DPF1: variants seen among roughly 807,000 people sequenced by gnomAD.
DPF1 encodes the protein zinc finger protein neuro-d4.
DPF1 carries 14 observed loss-of-function variants against 58.7 expected under a neutral mutation model. That is an observed-to-expected ratio of 0.24 (90% CI 0.16 to 0.37). The LOEUF (loss-of-function observed/expected upper bound fraction) is 0.37, where lower values mean the gene tolerates loss of function less well. DPF1 is among the 10% of genes least tolerant of loss of function. The probability of loss-of-function intolerance (pLI) is 1.00; values close to 1 mark genes in which losing one functional copy is unlikely to be tolerated. For synonymous variants in DPF1, 216 were observed against 216.0 expected (o/e 1.00, Z 0.00); for missense variants, 345 against 529.9 (o/e 0.65, Z 3.43).
rs377737084 is a variant in DPF1 at position 38,219,012 on chromosome 19, C to G, written c.345G>C (p.Pro115=). The change falls in exon 4 of 12, where the codon CCG becomes CCC. Residue 115 remains proline (P), a synonymous_variant. Transcript: ENST00000355526. ...CTGCACACAGTAGAGCCTCGAGGACCGGCCCTTCCGGGAGGCCACCCTCCT... is the reference window on the plus strand; with the variant it reads ...CTGCACACAGTAGAGCCTCGAGGACGGGCCCTTCCGGGAGGCCACCCTCCT... ...LKKEGGLPEG[P]VLEALLCAET... The G allele has an allele frequency of 6.2e-7, 1 of 1,614,058 alleles. No individual in the cohort carries two copies. The highest frequency in any genetic ancestry group is 8.5e-7 in the Non-Finnish European group (1 of 1,180,042).
At chr19:38,216,331 G>A (rs975361586) in intron 8 of DPF1, 22 bp downstream of exon 8, 5 of 1,605,156 alleles carry the variant, frequency 3.1e-6, no homozygotes, top group Non-Finnish European at 4.3e-6. Flanking sequence ...CAGACTTTAG[G>A]AGCAGAAGGA....
chr19:38,217,378 C>CA, intron 7 of DPF1, 82 bp downstream of exon 7: 3 of 355,616 alleles, frequency 8.4e-6, no homozygotes, highest in Non-Finnish European at 1.6e-5. Context: ...ATGTCTAATG[C>CA]CCCCCCACCC....
chr19:38,224,119 G>T lies in DPF1; in HGVS notation c.24C>A (p.Pro8=). 1 of 1,499,074 alleles carries T rather than the reference G, an allele frequency of 6.7e-7. No homozygotes were observed. 92.9% of individuals were successfully genotyped at this position (1,499,074 alleles called of 1,614,324 possible). Residue 8 remains proline (P), a synonymous_variant, in exon 1 of 12, where the codon CCC becomes CCA. Transcript: ENST00000355526. This position sits in a 1 kb window ranked among gnomAD's most constrained non-coding sequence, Gnocchi z 4.5. MATVIPG[P]LSLGEDFYRE... ...CTCCCGCCGGCCCGCACCACCTCAGGGGGCCAGGGATGACAGTGGCCATCT... is the reference window on the plus strand; with the variant it reads ...CTCCCGCCGGCCCGCACCACCTCAGTGGGCCAGGGATGACAGTGGCCATCT...
Position 38,212,001 on chromosome 19 carries a change from T to C in DPF1, c.*62A>G. 6.4e-7 allele frequency: 1 copy of C among 1,563,856 alleles called. No homozygotes were observed. Among genetic ancestry groups the C allele is most frequent in the Non-Finnish European group, 8.7e-7 (1 of 1,148,734 alleles). Reference sequence around the variant, plus strand: ...CGGGATGTTCAGGGTGGGGGAGAATTGAGGAGCTCGGAGAGGCAGGTAGGC... The same window carrying C: ...CGGGATGTTCAGGGTGGGGGAGAATCGAGGAGCTCGGAGAGGCAGGTAGGC... On this transcript the variant is annotated 3_prime_UTR_variant, in exon 12 of 12. Transcript: ENST00000355526.
intron 6 of DPF1, 30 bp downstream of exon 6, chr19:38,217,768 C>A: frequency 6.2e-7 from 1 of 1,613,566 alleles, no homozygotes. Flanking sequence ...ACCCCTCTCT[C>A]TGCCTTTCCC....
Position 38,211,164 on chromosome 19 carries a change from T to A in DPF1, c.*899A>T, listed in dbSNP as rs1250429446. 1 of 152,368 alleles carries A rather than the reference T, an allele frequency of 6.6e-6. No homozygotes were observed. Among genetic ancestry groups the A allele is most frequent in the Non-Finnish European group, 1.5e-5 (1 of 68,146 alleles). The allele number at this position is 152,368 out of a possible 1,614,324, so 9.4% of individuals were successfully genotyped here. A position where few individuals can be genotyped will look rare whatever the true frequency, so the allele number is the denominator to read the frequency against. ...ACCTCCCCCACCTGCAGTCTCAGTTTCCCTTTTTTAAAACCCGAACAACAA... is the reference window on the plus strand; with the variant it reads ...ACCTCCCCCACCTGCAGTCTCAGTTACCCTTTTTTAAAACCCGAACAACAA... On this transcript the variant is annotated 3_prime_UTR_variant, in exon 12 of 12. Coordinates refer to ENST00000355526, the MANE Select transcript of DPF1 (RefSeq NM_001135155.3). The surrounding 1 kb of genome is among the most constrained non-coding windows in gnomAD (Gnocchi z 4.0).
upstream of DPF1, among the ~76,000 whole-genome samples, chr19:38,225,379 C>T (rs1336091631): frequency 1.3e-5 from 2 of 152,070 alleles, no homozygotes; most frequent in Non-Finnish European, 2.9e-5. Flanking sequence ...CCAACCTGGG[C>T]AACATATCCA....
upstream of DPF1, among the ~76,000 whole-genome samples, chr19:38,228,497 T>C (rs1967920636): frequency 6.9e-6 from 1 of 144,588 alleles, no homozygotes; most frequent in Admixed American, 6.8e-5. Context: ...GGCCCCTTTG[T>C]GCGACGCCGC....
intron 4 of DPF1, 85 bp downstream of exon 4, chr19:38,218,846 A>G: frequency 6.3e-7 from 1 of 1,582,822 alleles, no homozygotes; most frequent in Non-Finnish European, 8.6e-7. Flanking sequence ...GGGGGGTTTC[A>G]GAGCAGGAAC....
At chr19:38,217,672 TCCCC>T (rs1967131640) in intron 6 of DPF1, 81 bp from the exon 7 acceptor site, 1 of 1,536,696 alleles carries the variant, frequency 6.5e-7, no homozygotes. Flanking sequence ...GGATCACACC[TCCCC>T]CCTCAGCCAG....
chr19:38,227,379 A>G (rs1409378352), upstream of DPF1, among the ~76,000 whole-genome samples: 1 of 147,304 alleles, frequency 6.8e-6, no homozygotes, highest in African/African-American at 2.5e-5. Flanking sequence ...TGCCCGGCCC[A>G]CCAGCAGGAT....
Position 38,213,762 on chromosome 19 carries a change from G to A in DPF1, c.899-6C>T, listed in dbSNP as rs1420883717. 2 of 1,612,620 alleles carry A rather than the reference G, an allele frequency of 1.2e-6. No homozygotes were observed. The highest frequency in any genetic ancestry group is 1.7e-6 in the Non-Finnish European group (2 of 1,178,962). ...TTGTAAACACGAGGGGTGTCCTGGG[G>A]GCCAAGGGGCAGGGGTGCAGTTAGG... On this transcript the variant is annotated splice_region_variant and splice_polypyrimidine_tract_variant and intron_variant, in intron 9 of 11. Coordinates refer to ENST00000355526, the MANE Select transcript of DPF1 (RefSeq NM_001135155.3).
At position 38,215,441 on chromosome 19, in the gene DPF1, C is replaced by T. The variant is rs149292112; in HGVS notation, c.898+699G>A. On this transcript the variant is annotated intron_variant, in intron 9 of 11. Transcript: ENST00000355526. ...CCAGGAGGCGGAGGTTGCAGTGAGC[C>T]AAGATCATGCCAATGCACTCCAGCC... 4.2e-3 allele frequency among the ~76,000 whole-genome samples: 645 copies of T among 152,082 alleles called. 4 individuals are homozygous for T. The highest frequency in any genetic ancestry group is 9.6e-3 in the South Asian group (46 of 4,804).
chr19:38,226,593 C>T (rs1159058321), upstream of DPF1, among the ~76,000 whole-genome samples: 1 of 151,548 alleles, frequency 6.6e-6, no homozygotes, highest in Non-Finnish European at 1.5e-5. Flanking sequence ...CAGGTAAGGT[C>T]TTGGCCGGCC....
chr19:38,227,423 G>A (rs903808398), upstream of DPF1, among the ~76,000 whole-genome samples: 6 of 151,528 alleles, frequency 4.0e-5, no homozygotes, highest in African/African-American at 9.7e-5. Context: ...CACTTGCAGC[G>A]GGCTCTCCTT....
Position 38,222,579 on chromosome 19 carries a change from G to A in DPF1, c.159C>T (p.Tyr53=). Residue 53 remains tyrosine (Y), a synonymous_variant, in exon 2 of 12, where the codon TAC becomes TAT. Coordinates refer to ENST00000355526, the MANE Select transcript of DPF1 (RefSeq NM_001135155.3). This position sits in a 1 kb window ranked among gnomAD's most constrained non-coding sequence, Gnocchi z 4.9. ...SQTGVAQNNC[Y]IWMEKTHRGP... is the part of the protein sequence containing the mutation. ...CGCGGTGGGTCTTCTCCATCCAGAT[G>A]TAGCAGTTGTTCTGGGCCACGCCGG... The A allele has an allele frequency of 6.2e-7, 1 of 1,611,778 alleles. No individual in the cohort carries two copies. Among genetic ancestry groups the A allele is most frequent in the Non-Finnish European group, 8.5e-7 (1 of 1,179,150 alleles).
In DPF1 at chr19:38,211,874, C is replaced by T. The variant is rs917446032; in HGVS notation, c.*189G>A. 3 of 624,778 alleles carry T rather than the reference C, an allele frequency of 4.8e-6. No homozygotes were observed. In the African/African-American group the frequency reaches 5.5e-5, roughly 12 times the overall value. The allele number at this position is 624,778 out of a possible 1,614,324, so 38.7% of individuals were successfully genotyped here. A position where few individuals can be genotyped will look rare whatever the true frequency, so the allele number is the denominator to read the frequency against. On this transcript the variant is annotated 3_prime_UTR_variant, in exon 12 of 12. Coordinates refer to ENST00000355526, the MANE Select transcript of DPF1 (RefSeq NM_001135155.3). The surrounding 1 kb of genome is among the most constrained non-coding windows in gnomAD (Gnocchi z 4.0). The stretch of plus-strand genomic sequence containing the variant: ...AGAGAGGGAGGGAGGGAGGGAGAGG[C>T]CCTGGCCGGGCCCACCCACCCACAG...
Position 38,212,060 on chromosome 19 carries a change from G to C in DPF1, c.*3C>G. 6.2e-7 allele frequency: 1 copy of C among 1,610,444 alleles called. No individual in the cohort carries two copies. Among genetic ancestry groups the C allele is most frequent in the Non-Finnish European group, 8.5e-7 (1 of 1,179,156 alleles). On this transcript the variant is annotated 3_prime_UTR_variant, in exon 12 of 12. Transcript: ENST00000355526. Reference sequence around the variant, plus strand: ...CCCCAGAGTCGCGGCGAGCCGAGCCGGCCTAGGTGAGGGTGATGTAAGCAG... The same window carrying C: ...CCCCAGAGTCGCGGCGAGCCGAGCCCGCCTAGGTGAGGGTGATGTAAGCAG...
At chr19:38,212,199 C>A in intron 11 of DPF1, 66 bp from the exon 12 acceptor site, 3 of 1,556,744 alleles carry the variant, frequency 1.9e-6, no homozygotes, top group Non-Finnish European at 2.6e-6. Context: ...CCCTTCCCAC[C>A]CCGAGGACAC....
Sources: gnomAD v4.1 joint callset for allele counts (sites outside exome capture counted in the v4.1 genomes callset) on GRCh38, gnomAD v4.1.1 for gene constraint, Gnocchi (gnomAD v3.1) non-coding constraint, MANE v1.5 for transcripts, NCBI Gene and HGNC (gene_info 2026-07-23, HGNC 2026-07-21) for gene names.